TMEM232: variants seen among roughly 807,000 people sequenced by gnomAD.
The protein encoded by TMEM232 is transmembrane protein 232.
TMEM232 carries 80 observed loss-of-function variants against 78.8 expected under a neutral mutation model. The observed-to-expected ratio is 1.01, with a 90% CI of 0.85 to 1.22. The LOEUF (loss-of-function observed/expected upper bound fraction) is 1.22, where lower values mean the gene tolerates loss of function less well. TMEM232 is among the 50% of genes most tolerant of loss of function. The probability of loss-of-function intolerance (pLI) is 0.00; values close to 1 mark genes in which losing one functional copy is unlikely to be tolerated. For synonymous variants in TMEM232, 297 were observed against 254.3 expected (o/e 1.17, Z -1.60); for missense variants, 881 against 742.2 (o/e 1.19, Z -2.17).
At chr5:110,697,042 A>G (rs1369926250) in intron 1 of TMEM232, among the ~76,000 whole-genome samples, 2 of 152,206 alleles carry the variant, frequency 1.3e-5, no homozygotes, top group Non-Finnish European at 2.9e-5. Context: ...ACCTGACTTC[A>G]AACTATACTA....
chr5:110,683,932 T>A (rs1179418276), intron 1 of TMEM232, among the ~76,000 whole-genome samples: 1 of 152,068 alleles, frequency 6.6e-6, no homozygotes, highest in Non-Finnish European at 1.5e-5. Context: ...AACATTGGTG[T>A]ATTGATGTAC....
intron 12 of TMEM232, among the ~76,000 whole-genome samples, chr5:110,428,734 T>C (rs1205344470): frequency 1.3e-5 from 2 of 151,706 alleles, no homozygotes; most frequent in Non-Finnish European, 2.9e-5. Context: ...CTGCTTAATT[T>C]GTCCAGTACA....
intron 12 of TMEM232, among the ~76,000 whole-genome samples, chr5:110,462,452 G>T (rs1448132795): frequency 6.6e-6 from 1 of 152,216 alleles, no homozygotes; most frequent in Non-Finnish European, 1.5e-5. Flanking sequence ...GCGCAGCTAG[G>T]ATAAAAGCAG....
intron 12 of TMEM232, among the ~76,000 whole-genome samples, chr5:110,463,642 G>A (rs1261966943): frequency 6.6e-6 from 1 of 152,014 alleles, no homozygotes; most frequent in Non-Finnish European, 1.5e-5. Flanking sequence ...TTAGTTAAAT[G>A]GTACAATTCT....
chr5:110,518,859 C>T (rs542215733), intron 12 of TMEM232, among the ~76,000 whole-genome samples: 3 of 151,046 alleles, frequency 2.0e-5, no homozygotes, highest in Non-Finnish European at 3.0e-5. Context: ...AAATGAACCA[C>T]AAAATAGACC....
intron 5 of TMEM232, among the ~76,000 whole-genome samples, chr5:110,633,350 G>T (rs997975228): frequency 2.7e-4 from 41 of 152,008 alleles, no homozygotes; most frequent in Non-Finnish European, 7.4e-5. Context: ...GACTCAAATG[G>T]TACCACAACA....
intron 12 of TMEM232, among the ~76,000 whole-genome samples, chr5:110,495,489 A>G (rs1765546172): frequency 6.6e-6 from 1 of 151,966 alleles, no homozygotes. Context: ...TGAAAGAACA[A>G]AATGAAAACA....
intron 10 of TMEM232, among the ~76,000 whole-genome samples, chr5:110,580,056 TC>T (rs1361818782): frequency 6.6e-6 from 1 of 151,516 alleles, no homozygotes; most frequent in Non-Finnish European, 1.5e-5. Context: ...CAAAAAACGG[TC>T]ACAATAGACT....
intron 11 of TMEM232, among the ~76,000 whole-genome samples, chr5:110,562,091 A>G (rs1238289253): frequency 2.0e-5 from 3 of 152,230 alleles, no homozygotes; most frequent in East Asian, 3.9e-4. Flanking sequence ...GCAATAATTC[A>G]TTATTTAAAA....
chr5:110,709,124 A>G (rs1444373107), intron 1 of TMEM232, among the ~76,000 whole-genome samples: 1 of 152,158 alleles, frequency 6.6e-6, no homozygotes, highest in Non-Finnish European at 1.5e-5. Context: ...AAAAACCATA[A>G]GAAGAGAGAA....
At chr5:110,423,985 G>A (rs902782066) in intron 13 of TMEM232, among the ~76,000 whole-genome samples, 2 of 152,070 alleles carry the variant, frequency 1.3e-5, no homozygotes, top group East Asian at 3.9e-4. Flanking sequence ...GTGAATAATA[G>A]AATATTGCAG....
chr5:110,444,746 T>G (rs1039601108), intron 12 of TMEM232, among the ~76,000 whole-genome samples: 5 of 152,310 alleles, frequency 3.3e-5, no homozygotes, highest in Admixed American at 3.3e-4. Context: ...TTGAGCACAA[T>G]TTGGACCATT....
At chr5:110,417,697 A>G (rs1204380720), downstream of TMEM232, 3 of 147,248 alleles carry the variant, frequency 2.0e-5, no homozygotes, top group Non-Finnish European at 4.4e-5. Flanking sequence ...AAAAGAAAGG[A>G]GAGTTAACTT....
chr5:110,559,203 G>A lies in TMEM232; in HGVS notation c.1455+9244C>T, dbSNP rs543906972. On this transcript the variant is annotated intron_variant, in intron 11 of 13. Coordinates refer to ENST00000455884, the MANE Select transcript of TMEM232 (RefSeq NM_001039763.4). ...TACACAAAAAAAATCAATTTCAGAT[G>A]AATTGTAAACCTAATCCTAATCTTA... Among the ~76,000 whole-genome samples, 7 of 152,202 alleles carry A rather than the reference G, an allele frequency of 4.6e-5. No individual in the cohort carries two copies. The South Asian group carries it at 1.5e-3, about 32-fold the overall frequency.
In TMEM232 at chr5:110,667,359, T is replaced by A; in HGVS notation, c.-7A>T. 4.7e-6 allele frequency: 7 copies of A among 1,496,238 alleles called. No individual in the cohort carries two copies. The highest frequency in any genetic ancestry group is 6.3e-6 in the Non-Finnish European group (7 of 1,117,650). 92.7% of individuals were successfully genotyped at this position (1,496,238 alleles called of 1,614,324 possible). A position where few individuals can be genotyped will look rare whatever the true frequency, so the allele number is the denominator to read the frequency against. ...TGTTAACAGGCATATTCATAAATCA[T>A]AAATTCTAAAAGGAATATTAAATGT... On this transcript the variant is annotated 5_prime_UTR_variant, in exon 2 of 14. The change abolishes an upstream ATG in the 5' untranslated region. Transcript: ENST00000455884.
At chr5:110,560,566 C>G (rs1424087864) in intron 11 of TMEM232, among the ~76,000 whole-genome samples, 1 of 151,890 alleles carries the variant, frequency 6.6e-6, no homozygotes, top group Admixed American at 6.6e-5. Context: ...GAAGTTATAT[C>G]CAGAATTTAC....
chr5:110,600,788 G>A (rs1378664744), intron 10 of TMEM232, among the ~76,000 whole-genome samples: 1 of 152,022 alleles, frequency 6.6e-6, no homozygotes, highest in Non-Finnish European at 1.5e-5. Context: ...AGAAAAATGG[G>A]GACTCCTCCC....
intron 5 of TMEM232, among the ~76,000 whole-genome samples, chr5:110,634,531 A>G (rs923080064): frequency 6.6e-6 from 1 of 152,098 alleles, no homozygotes; most frequent in Non-Finnish European, 1.5e-5. Flanking sequence ...CTGGAAATCA[A>G]TACCAAGAGG....
intron 1 of TMEM232, among the ~76,000 whole-genome samples, chr5:110,689,829 C>T (rs1793877545): frequency 6.6e-6 from 1 of 152,044 alleles, no homozygotes; most frequent in Admixed American, 6.5e-5. Flanking sequence ...AGAAATAATG[C>T]CACACATCTA....
Sources: gnomAD v4.1 joint callset for allele counts (sites outside exome capture counted in the v4.1 genomes callset) on GRCh38, gnomAD v4.1.1 for gene constraint, MANE v1.5 for transcripts, NCBI Gene and HGNC (gene_info 2026-07-23, HGNC 2026-07-21) for gene names.